BRDT: variants seen among roughly 807,000 people sequenced by gnomAD.
BRDT encodes bromodomain testis associated, also known as bromodomain testis-specific protein.
Under a neutral mutation model 113.9 loss-of-function variants are expected in BRDT, and 77 were observed. That is an observed-to-expected ratio of 0.68 (90% CI 0.56 to 0.82). The LOEUF (loss-of-function observed/expected upper bound fraction) is 0.82, where lower values mean the gene tolerates loss of function less well. BRDT is among the 40% of genes least tolerant of loss of function. The pLI, the probability that BRDT is intolerant of heterozygous loss-of-function variation, is 0.00. For synonymous variants in BRDT, 358 were observed against 366.5 expected, an observed-to-expected ratio of 0.98 and a Z score of 0.26; for missense variants, 1,027 against 1,105.4, an observed-to-expected ratio of 0.93 and a Z score of 1.01.
chr1:91,985,835 T>C (rs1258062587), intron 12 of BRDT, among the ~76,000 whole-genome samples: 3 of 151,290 alleles, frequency 2.0e-5, no homozygotes, highest in African/African-American at 7.3e-5. Flanking sequence ...AGACGGGGTT[T>C]CACCGTGTTA....
chr1:91,999,832 T>C (rs1686675524), intron 15 of BRDT, among the ~76,000 whole-genome samples: 1 of 152,208 alleles, frequency 6.6e-6, no homozygotes, highest in African/African-American at 2.4e-5. Flanking sequence ...ACATAGGCAT[T>C]CCAAACACAG....
At chr1:91,952,322 T>G (rs1681184594) in intron 1 of BRDT, 1 of 152,088 alleles carries the variant, frequency 6.6e-6, no homozygotes, top group Non-Finnish European at 1.5e-5. Flanking sequence ...CCAAGTGTGA[T>G]GTAGGCTGTA....
intron 4 of BRDT, among the ~76,000 whole-genome samples, chr1:91,971,764 G>A (rs1683646309): frequency 1.3e-5 from 2 of 152,292 alleles, no homozygotes; most frequent in East Asian, 1.9e-4. Context: ...ATTCCAGCTA[G>A]AGGAATCAGC....
chr1:91,961,356 A>G (rs916166774), intron 1 of BRDT, among the ~76,000 whole-genome samples: 4 of 151,304 alleles, frequency 2.6e-5, no homozygotes, highest in Non-Finnish European at 5.9e-5. Flanking sequence ...TTGGCTGGGC[A>G]TAGTGGCTCA....
chr1:91,986,964 G>T (rs1685307646), intron 12 of BRDT, among the ~76,000 whole-genome samples: 1 of 150,016 alleles, frequency 6.7e-6, no homozygotes, highest in South Asian at 2.1e-4. Flanking sequence ...TTTGGAGACA[G>T]AGTCTCACTG....
intron 1 of BRDT, among the ~76,000 whole-genome samples, chr1:91,959,478 T>G (rs942825723): frequency 4.0e-5 from 6 of 151,084 alleles, no homozygotes; most frequent in Non-Finnish European, 8.8e-5. Context: ...AGGCTGGTCT[T>G]GAACTCCTGA....
chr1:91,988,838 A>T (rs1312234094), intron 12 of BRDT, among the ~76,000 whole-genome samples: 2 of 152,246 alleles, frequency 1.3e-5, no homozygotes, highest in East Asian at 3.8e-4. Flanking sequence ...ATAAGCATAT[A>T]TATGTAGTTT....
intron 15 of BRDT, among the ~76,000 whole-genome samples, chr1:91,995,403 CTGTGTG>C (rs200254179): frequency 0.048 from 6,997 of 146,610 alleles, 263 homozygotes; most frequent in African/African-American, 0.093. Flanking sequence ...CCCTACTATT[CTGTGTG>C]TGTGTGTGTG....
intron 3 of BRDT, 44 bp from the exon 4 acceptor site, chr1:91,968,102 G>C: frequency 6.3e-7 from 1 of 1,591,800 alleles, no homozygotes; most frequent in Non-Finnish European, 8.6e-7. Flanking sequence ...TTGGTACAGT[G>C]ACCATACTGT....
At position 91,978,208 on chromosome 1, in the gene BRDT, T is replaced by C. The variant is rs368802537; in HGVS notation, c.1010T>C (p.Phe337Ser). The change falls in exon 7 of 19, where the codon TTT becomes TCT. Residue 337 changes from phenylalanine (F) to serine (S), a missense_variant. Physicochemically the swap from Phe to Ser is radical, Grantham distance 155 (BLOSUM62 -2). Coordinates refer to ENST00000399546, the MANE Select transcript of BRDT (RefSeq NM_207189.4). ...CAAGAATATAAGGATGCATACAAAT[T>C]TGCGGCAGATGTTAGATTAATGTTC... Reference protein sequence around the residue: ...DNQEYKDAYKFAADVRLMFMN... With the variant: ...DNQEYKDAYKSAADVRLMFMN... The C allele has an allele frequency of 1.9e-6, 3 of 1,613,910 alleles. No individual in the cohort carries two copies. The highest frequency in any genetic ancestry group is 1.7e-6 in the Non-Finnish European group (2 of 1,179,844).
intron 15 of BRDT, among the ~76,000 whole-genome samples, chr1:91,998,485 TAAAG>T (rs1246197291): frequency 1.3e-5 from 2 of 152,150 alleles, no homozygotes; most frequent in Non-Finnish European, 2.9e-5. Context: ...TCCCAGAACT[TAAAG>T]TATAATAAAA....
rs1684751823 is a variant in BRDT, at chr1:91,981,704, G to GA, written c.1954dup (p.Ser652LysfsTer2). On this transcript the variant is annotated frameshift_variant, in exon 12 of 19. Transcript: ENST00000399546. LOFTEE classifies it high-confidence loss of function. ...CAGCAGCAGCAGCTCATCAGAGTCT[G>GA]AAAGTAGCAGCAGTGACTTAAGCTC... 2.5e-6 allele frequency: 4 copies of GA among 1,614,066 alleles called. No individual in the cohort carries two copies. Among genetic ancestry groups the GA allele is most frequent in the Admixed American group, 3.3e-5 (2 of 60,000 alleles).
rs568472344 is a variant in BRDT, at chr1:91,994,143, C to T, written c.2176C>T (p.Pro726Ser). ...ANTTLVHQTTPSHVMPPNHHQ... is the reference protein window; with the variant it reads ...ANTTLVHQTTSSHVMPPNHHQ... The stretch of plus-strand genomic sequence containing the variant: ...TACTACCCTTGTTCATCAGACCACA[C>T]CTTCACATGTAATGCCACCAAATCA... Residue 726 changes from proline to serine, a missense_variant, in exon 15 of 19, where the codon CCT (proline) becomes TCT (serine). Pro to Ser is a moderately conservative substitution (Grantham distance 74). Coordinates refer to ENST00000399546, the MANE Select transcript of BRDT (RefSeq NM_207189.4). The T allele has an allele frequency of 3.7e-6, 6 of 1,613,600 alleles. No individual in the cohort carries two copies. In the African/African-American group the frequency reaches 8.0e-5, roughly 22 times the overall value.
intron 18 of BRDT, among the ~76,000 whole-genome samples, chr1:92,008,368 T>C (rs1447352277): frequency 6.6e-6 from 1 of 152,178 alleles, no homozygotes; most frequent in Non-Finnish European, 1.5e-5. Flanking sequence ...GCCTTTTTTT[T>C]CCATTCATAG....
chr1:91,953,747 T>C (rs1681398073), intron 1 of BRDT, among the ~76,000 whole-genome samples: 1 of 152,208 alleles, frequency 6.6e-6, no homozygotes, highest in African/African-American at 2.4e-5. Context: ...AGGCAATTTA[T>C]TCATTCAACC....
rs1156281 is a variant in BRDT, at chr1:91,977,138, A to C, written c.714A>C (p.Lys238Asn). ...SSEFSPTFTE[K>N]SVALPPIKEN... ...AATTTTCTCCAACATTCACAGAAAA[A>C]TCAGTGGCACTGCCACCTATAAAAG... The change falls in exon 6 of 19, where the codon AAA (lysine) becomes AAC (asparagine). Residue 238 changes from lysine (K) to asparagine (N), a missense_variant. Physicochemically the swap from Lys to Asn is moderately conservative, Grantham distance 94. Transcript: ENST00000399546. The C allele has an allele frequency of 0.079, 128,170 of 1,613,812 alleles. 8,482 individuals carry two copies. The highest frequency in any genetic ancestry group is 0.41 in the East Asian group (18,261 of 44,830).
chr1:91,972,880 T>A (rs1683762950), intron 4 of BRDT, among the ~76,000 whole-genome samples: 1 of 152,170 alleles, frequency 6.6e-6, no homozygotes, highest in Non-Finnish European at 1.5e-5. Flanking sequence ...TTTACTTAGT[T>A]CCTGAGTTTG....
At chr1:91,966,400 C>T (rs754227718) in intron 3 of BRDT, among the ~76,000 whole-genome samples, 1 of 152,128 alleles carries the variant, frequency 6.6e-6, no homozygotes, top group African/African-American at 2.4e-5. Context: ...TTAGCCAATG[C>T]GAATGATTTT....
At position 92,004,323 on chromosome 1, in the gene BRDT, G is replaced by A. The variant is rs918462161; in HGVS notation, c.2389-91G>A. The A allele has an allele frequency of 5.0e-6, 4 of 793,436 alleles. No homozygotes were observed. In the African/African-American group the frequency reaches 7.0e-5, roughly 14 times the overall value. The allele number at this position is 793,436 out of a possible 1,614,324, so 49.1% of individuals were successfully genotyped here. A position where few individuals can be genotyped will look rare whatever the true frequency, so the allele number is the denominator to read the frequency against. On this transcript the variant is annotated intron_variant, in intron 16 of 18. Coordinates refer to ENST00000399546, the MANE Select transcript of BRDT (RefSeq NM_207189.4). ...ATGAAGCCCTTTAGAATCTTAATTA[G>A]ATCTATTGCTGTATCATCAAAAAAT...
Sources: allele counts gnomAD v4.1 joint callset (sites outside exome capture counted in the v4.1 genomes callset), GRCh38; gene constraint gnomAD v4.1.1; transcripts MANE v1.5; gene names NCBI Gene and HGNC (gene_info 2026-07-23, HGNC 2026-07-21).